Variants in EEPD1 observed in about 807,000 individuals in gnomAD.
The protein encoded by EEPD1 is endonuclease/exonuclease/phosphatase family domain containing 1.
In EEPD1, 17 loss-of-function variants were observed where a neutral mutation model predicts 46.3. The ratio of observed to expected loss-of-function variants is 0.37; its 90% CI spans 0.25 to 0.55. EEPD1 has a LOEUF of 0.55. Ranked by LOEUF, EEPD1 falls within the 20% of genes least tolerant of loss-of-function variation. The probability of loss-of-function intolerance (pLI) is 0.83; values close to 1 mark genes in which losing one functional copy is unlikely to be tolerated. For missense variants in EEPD1, 673 were observed against 745.6 expected, an observed-to-expected ratio of 0.90 and a Z score of 1.13; for synonymous variants, 313 against 315.6, an observed-to-expected ratio of 0.99 and a Z score of 0.09.
chr7:36,267,038 T>C (rs1237662571), intron 3 of EEPD1, among the ~76,000 whole-genome samples: 1 of 152,250 alleles, frequency 6.6e-6, no homozygotes, highest in East Asian at 1.9e-4. Flanking sequence ...TGAACATTCA[T>C]GTACAAGTAT....
chr7:36,256,729 A>T (rs903624566), intron 3 of EEPD1, among the ~76,000 whole-genome samples: 1 of 151,988 alleles, frequency 6.6e-6, no homozygotes, highest in Admixed American at 6.5e-5. Context: ...TGCACATGAG[A>T]TGGGTCTCCT....
intron 2 of EEPD1, among the ~76,000 whole-genome samples, chr7:36,213,802 G>T (rs1449268386): frequency 1.3e-5 from 2 of 152,130 alleles, no homozygotes; most frequent in African/African-American, 4.8e-5. Flanking sequence ...ATTGGTGGGC[G>T]TGTACCCCCC....
chr7:36,279,083 C>T (rs1056350978), intron 3 of EEPD1, among the ~76,000 whole-genome samples: 3 of 64,160 alleles, frequency 4.7e-5, no homozygotes, highest in Non-Finnish European at 8.2e-5. Flanking sequence ...GAAATTCCCA[C>T]CACCCCGACT....
At chr7:36,266,503 A>G (rs1432596243) in intron 3 of EEPD1, among the ~76,000 whole-genome samples, 1 of 152,196 alleles carries the variant, frequency 6.6e-6, no homozygotes, top group Non-Finnish European at 1.5e-5. Flanking sequence ...TGTTGAACGA[A>G]GGTGTGGTTC....
intron 2 of EEPD1, among the ~76,000 whole-genome samples, chr7:36,171,885 G>T (rs1175018030): frequency 6.6e-6 from 1 of 152,210 alleles, no homozygotes; most frequent in African/African-American, 2.4e-5. Context: ...CAGGTGCCAT[G>T]ACCTTGGTGT....
intron 2 of EEPD1, among the ~76,000 whole-genome samples, chr7:36,165,411 CTTTTTTTTT>C (rs56236165): frequency 6.4e-5 from 4 of 62,062 alleles, no homozygotes; most frequent in South Asian, 6.3e-4. Context: ...GATCCATTTC[CTTTTTTTTT>C]TTTTTTTTTT....
In EEPD1 at chr7:36,300,797, G is replaced by A. The variant is rs560456289; in HGVS notation, c.*1591G>A. The A allele has an allele frequency of 8.5e-5, 13 of 152,340 alleles. No homozygotes were observed. In the East Asian group the frequency reaches 2.5e-3, roughly 29 times the overall value. The allele number at this position is 152,340 out of a possible 1,614,324, so 9.4% of individuals were successfully genotyped here. On this transcript the variant is annotated 3_prime_UTR_variant, in exon 8 of 8. Coordinates refer to ENST00000242108, the MANE Select transcript of EEPD1 (RefSeq NM_030636.3). Reference sequence around the variant, plus strand: ...GGAACCCTCTTCCAGGAGCTCTAAGGGTACTTGGGAATCAATTGTGTCCAT... The same window carrying A: ...GGAACCCTCTTCCAGGAGCTCTAAGAGTACTTGGGAATCAATTGTGTCCAT...
chr7:36,282,652 A>G (rs1480804384), intron 4 of EEPD1, among the ~76,000 whole-genome samples: 1 of 152,232 alleles, frequency 6.6e-6, no homozygotes, highest in South Asian at 2.1e-4. Flanking sequence ...TAGGGTGGCT[A>G]TAGGATTTTA....
intron 3 of EEPD1, among the ~76,000 whole-genome samples, chr7:36,268,815 G>A (rs1017147): frequency 0.54 from 82,809 of 152,056 alleles, 22,837 homozygotes; most frequent in South Asian, 0.59. Flanking sequence ...ACGTGAGGCG[G>A]GAATGATTCT....
intron 2 of EEPD1, among the ~76,000 whole-genome samples, chr7:36,226,274 A>G (rs1038176782): frequency 2.0e-5 from 3 of 152,226 alleles, no homozygotes; most frequent in Non-Finnish European, 4.4e-5. Context: ...TGGCTAAAGA[A>G]AGGCTCTGAA....
At chr7:36,155,249 G>A (rs776508106) in intron 2 of EEPD1, 47 bp downstream of exon 2, 3 of 1,489,040 alleles carry the variant, frequency 2.0e-6, no homozygotes, top group South Asian at 2.9e-5. Flanking sequence ...GGCAACTTGT[G>A]CGTGACCTCA....
At chr7:36,279,107 G>T (rs955441178) in intron 3 of EEPD1, among the ~76,000 whole-genome samples, 1 of 127,302 alleles carries the variant, frequency 7.9e-6, no homozygotes, top group Non-Finnish European at 1.6e-5. Flanking sequence ...CCGCATCCCC[G>T]ACCCCCTTCC....
At chr7:36,255,493 TGGGCTTTTC>T (rs1786815159) in intron 3 of EEPD1, among the ~76,000 whole-genome samples, 1 of 14,294 alleles carries the variant, frequency 7.0e-5, no homozygotes, top group Non-Finnish European at 2.4e-4. Context: ...AACTTGTTAT[TGGGCTTTTC>T]AGAACTTGTT....
intron 2 of EEPD1, among the ~76,000 whole-genome samples, chr7:36,185,827 C>T (rs1785352692): frequency 6.6e-6 from 1 of 152,176 alleles, no homozygotes; most frequent in Non-Finnish European, 1.5e-5. Context: ...GTAAGCTTTG[C>T]AGACATTGTG....
rs182236364 is a variant in EEPD1, at chr7:36,175,224, A to G, written c.878+20022A>G. 5.8e-3 allele frequency among the ~76,000 whole-genome samples: 886 copies of G among 152,316 alleles called. 13 individuals are homozygous for G. Among genetic ancestry groups the G allele is most frequent in the Non-Finnish European group, 6.2e-3 (419 of 68,022 alleles). On this transcript the variant is annotated intron_variant, in intron 2 of 7. Transcript: ENST00000242108. Reference sequence around the variant, plus strand: ...TTAAAATATGTAAGGAGGCAGCTTTACACTAAACTTGATTTAACAGCCCTC... The same window carrying G: ...TTAAAATATGTAAGGAGGCAGCTTTGCACTAAACTTGATTTAACAGCCCTC...
chr7:36,244,345 G>A (rs891007275), intron 3 of EEPD1, among the ~76,000 whole-genome samples: 1 of 152,056 alleles, frequency 6.6e-6, no homozygotes, highest in Non-Finnish European at 1.5e-5. Context: ...GATTAAATTT[G>A]AACAATAAAA....
At chr7:36,169,084 A>T (rs1245379387) in intron 2 of EEPD1, among the ~76,000 whole-genome samples, 1 of 152,208 alleles carries the variant, frequency 6.6e-6, no homozygotes, top group Non-Finnish European at 1.5e-5. Context: ...TTTCCACTAT[A>T]TAGATGTACC....
At chr7:36,298,540 A>T (rs1787562519) in intron 7 of EEPD1, among the ~76,000 whole-genome samples, 1 of 152,192 alleles carries the variant, frequency 6.6e-6, no homozygotes, top group African/African-American at 2.4e-5. Context: ...AAATACCATT[A>T]CTTTCTCATA....
chr7:36,271,550 T>G (rs879473489), intron 3 of EEPD1, among the ~76,000 whole-genome samples: 13 of 152,076 alleles, frequency 8.5e-5, no homozygotes, highest in Middle Eastern at 3.2e-3. Context: ...TATTCTCCCA[T>G]TCTGTAGGTT....
Sources: allele counts gnomAD v4.1 joint callset (sites outside exome capture counted in the v4.1 genomes callset), GRCh38; gene constraint gnomAD v4.1.1; transcripts MANE v1.5; gene names NCBI Gene and HGNC (gene_info 2026-07-23, HGNC 2026-07-21).